MTMR14: variants seen among roughly 807,000 people sequenced by gnomAD.
MTMR14 encodes the protein phosphatidylinositol-3,5-bisphosphate 3-phosphatase MTMR14.
MTMR14 carries 48 observed loss-of-function variants against 86.3 expected under a neutral mutation model. That is an observed-to-expected ratio of 0.56 (90% CI 0.44 to 0.71). MTMR14 has a LOEUF of 0.71. MTMR14 is among the 30% of genes least tolerant of loss of function. The pLI, the probability that MTMR14 is intolerant of heterozygous loss-of-function variation, is 0.00. For synonymous variants in MTMR14, 366 were observed against 326.1 expected (o/e 1.12, Z -1.32); for missense variants, 780 against 834.6 (o/e 0.93, Z 0.81).
intron 12 of MTMR14, 84 bp from the exon 13 acceptor site, chr3:9,685,127 C>G: frequency 1.3e-6 from 2 of 1,586,198 alleles, no homozygotes; most frequent in Non-Finnish European, 1.7e-6. Context: ...GTGCCAGTGA[C>G]ACAGTCTGTG....
chr3:9,683,288 G>A (rs1575038269), intron 10 of MTMR14, 44 bp downstream of exon 10: 1 of 1,572,296 alleles, frequency 6.4e-7, no homozygotes, highest in Non-Finnish European at 8.8e-7. Context: ...TGCACCCTTG[G>A]GGAGTTCCCA....
rs572518773 is a variant in MTMR14 at position 9,697,311 on chromosome 3, G to A, written c.1614-400G>A. On this transcript the variant is annotated intron_variant, in intron 17 of 18. Coordinates refer to ENST00000296003, the MANE Select transcript of MTMR14 (RefSeq NM_001077525.3). ...GCAAATCTGCATGCCAGCAAGTATG[G>A]GTGACCCGGCTGGCTGCTGGGTCAC... Among the ~76,000 whole-genome samples, 5 of 152,182 alleles carry A rather than the reference G, an allele frequency of 3.3e-5. 1 individual carries two copies. Among genetic ancestry groups the A allele is most frequent in the African/African-American group, 1.2e-4 (5 of 41,528 alleles).
At chr3:9,687,756 C>T in intron 13 of MTMR14, 65 bp from the exon 14 acceptor site, 23 of 1,426,558 alleles carry the variant, frequency 1.6e-5, no homozygotes, top group Non-Finnish European at 2.2e-5. Context: ...TGGCTGGCCG[C>T]CCTCCCCTGG....
At chr3:9,693,016 T>C (rs1429937073) in intron 17 of MTMR14, among the ~76,000 whole-genome samples, 1 of 152,228 alleles carries the variant, frequency 6.6e-6, no homozygotes, top group African/African-American at 2.4e-5. Flanking sequence ...CTTATCTGTG[T>C]AATCAGAGGC....
At chr3:9,669,742 CTT>C (rs2048468064) in intron 5 of MTMR14, among the ~76,000 whole-genome samples, 1 of 152,184 alleles carries the variant, frequency 6.6e-6, no homozygotes, top group Non-Finnish European at 1.5e-5. Context: ...ACATCCCACT[CTT>C]GGGGTTCCTG....
Position 9,672,689 on chromosome 3 carries a change from ACCT to A in MTMR14, c.687_689del (p.Ser230del), listed in dbSNP as rs1244452482. ...CATTGTATCCTTGTCTTGTAGTGTA[ACCT>A]CCTCTGAGAAGGTGGACAAAGCCCA... is the stretch of plus-strand genomic sequence containing the variant. On this transcript the variant is annotated inframe_deletion, in exon 7 of 19. Coordinates refer to ENST00000296003, the MANE Select transcript of MTMR14 (RefSeq NM_001077525.3). 6.2e-7 allele frequency: 1 copy of A among 1,613,566 alleles called. No homozygotes were observed. The highest frequency in any genetic ancestry group is 8.5e-7 in the Non-Finnish European group (1 of 1,179,888).
In MTMR14 at chr3:9,697,720, C is replaced by A; in HGVS notation, c.1623C>A (p.Asp541Glu). 3 of 1,614,048 alleles carry A rather than the reference C, an allele frequency of 1.9e-6. No individual in the cohort carries two copies. Among genetic ancestry groups the A allele is most frequent in the South Asian group, 2.2e-5 (2 of 91,068 alleles). Residue 541 changes from aspartate (D) to glutamate (E), a missense_variant, in exon 18 of 19, where the codon GAC becomes GAA. Physicochemically the swap from Asp to Glu is conservative, Grantham distance 45. Coordinates refer to ENST00000296003, the MANE Select transcript of MTMR14 (RefSeq NM_001077525.3). Reference protein sequence around the residue: ...PLEVPKPRSVDHPLPGSSLST... With the variant: ...PLEVPKPRSVEHPLPGSSLST... ...CTCCTCTCTGCCCCAGATCAGTGGACCATCCCCTGCCCGGATCCTCTCTCT... is the reference window on the plus strand; with the variant it reads ...CTCCTCTCTGCCCCAGATCAGTGGAACATCCCCTGCCCGGATCCTCTCTCT...
intron 2 of MTMR14, among the ~76,000 whole-genome samples, chr3:9,660,050 GC>G (rs1469463967): frequency 6.6e-6 from 1 of 152,236 alleles, no homozygotes; most frequent in Non-Finnish European, 1.5e-5. Flanking sequence ...TCGGCCACGG[GC>G]CAAGTAAGTG....
At chr3:9,660,218 C>G (rs1239378429) in intron 2 of MTMR14, among the ~76,000 whole-genome samples, 4 of 151,038 alleles carry the variant, frequency 2.6e-5, no homozygotes, top group African/African-American at 9.7e-5. Flanking sequence ...GCTTGTGTGC[C>G]TAGGGCTGCC....
chr3:9,673,830 G>A (rs1324768490), intron 7 of MTMR14, among the ~76,000 whole-genome samples: 1 of 145,700 alleles, frequency 6.9e-6, no homozygotes, highest in East Asian at 1.9e-4. Flanking sequence ...CATAACAGGT[G>A]TCCTGTAAAT....
chr3:9,702,148 C>A lies in MTMR14; in HGVS notation c.*175C>A, dbSNP rs563611943. 3 of 783,756 alleles carry A rather than the reference C, an allele frequency of 3.8e-6. No individual in the cohort carries two copies. Among genetic ancestry groups the A allele is most frequent in the South Asian group, 1.6e-5 (1 of 64,004 alleles). 48.6% of individuals were successfully genotyped at this position (783,756 alleles called of 1,614,324 possible). A position where few individuals can be genotyped will look rare whatever the true frequency, so the allele number is the denominator to read the frequency against. ...CAAGGCCAAAGACAGGGTTTTCCAA[C>A]CCCCAGCCTCTTGACTGGTGACCAC... is the stretch of plus-strand genomic sequence containing the variant. On this transcript the variant is annotated 3_prime_UTR_variant, in exon 19 of 19. Transcript: ENST00000296003.
intron 1 of MTMR14, 117 bp downstream of exon 1, chr3:9,649,859 G>A (rs1468290316): frequency 6.8e-7 from 1 of 1,471,032 alleles, no homozygotes; most frequent in African/African-American, 1.4e-5. Context: ...TGAGGAAGAG[G>A]AGAGAGAGAG....
chr3:9,654,005 T>C, intron 2 of MTMR14: 1 of 556,164 alleles, frequency 1.8e-6, no homozygotes, highest in Non-Finnish European at 3.3e-6. Flanking sequence ...CTAGAGCTCA[T>C]TGTCCTAAGA....
chr3:9,681,955 A>G (rs1313949152), intron 9 of MTMR14, among the ~76,000 whole-genome samples: 1 of 151,370 alleles, frequency 6.6e-6, no homozygotes, highest in African/African-American at 2.5e-5. Context: ...GACAGCCGTC[A>G]TGGTGGCTGG....
Position 9,655,554 on chromosome 3 carries a change from G to A in MTMR14, c.308+1785G>A, listed in dbSNP as rs528601254. 8.1e-5 allele frequency among the ~76,000 whole-genome samples: 11 copies of A among 136,000 alleles called. No individual in the cohort carries two copies. In the South Asian group the frequency reaches 1.0e-3, roughly 13 times the overall value. The allele number at this position is 136,000 out of a possible 152,430, so 89.2% of individuals were successfully genotyped here. A position where few individuals can be genotyped will look rare whatever the true frequency, so the allele number is the denominator to read the frequency against. On this transcript the variant is annotated intron_variant, in intron 2 of 18. Coordinates refer to ENST00000296003, the MANE Select transcript of MTMR14 (RefSeq NM_001077525.3). Reference sequence around the variant, plus strand: ...TGGCTCACTGCAACCTCTGCCTCCCGGGTTCAAGCAATTCTCCTGCCTCAG... The same window carrying A: ...TGGCTCACTGCAACCTCTGCCTCCCAGGTTCAAGCAATTCTCCTGCCTCAG...
chr3:9,682,334 C>A (rs1387857026), intron 9 of MTMR14, among the ~76,000 whole-genome samples: 3 of 152,204 alleles, frequency 2.0e-5, no homozygotes, highest in African/African-American at 4.8e-5. Context: ...TCCCCCTCCC[C>A]CTGGGAAGTG....
In MTMR14 at chr3:9,678,224, G is replaced by A. The variant is rs150927120; in HGVS notation, c.897+166G>A. ...CTCAGAAAGGAGGAATTGTGTGTCC[G>A]TTCAACTATCTCCTGATTTGCTCAT... On this transcript the variant is annotated intron_variant, in intron 9 of 18. Transcript: ENST00000296003. Among the ~76,000 whole-genome samples, 458 of 152,286 alleles carry A rather than the reference G, an allele frequency of 3.0e-3. 3 individuals carry two copies. The highest frequency in any genetic ancestry group is 0.01 in the African/African-American group (432 of 41,548).
At chr3:9,695,759 G>T (rs1304083715) in intron 17 of MTMR14, among the ~76,000 whole-genome samples, 1 of 152,178 alleles carries the variant, frequency 6.6e-6, no homozygotes, top group Non-Finnish European at 1.5e-5. Flanking sequence ...TTTAGCTGTT[G>T]TTTTCCCACA....
intron 2 of MTMR14, among the ~76,000 whole-genome samples, chr3:9,658,964 C>T (rs1288241607): frequency 6.6e-6 from 1 of 152,130 alleles, no homozygotes; most frequent in Non-Finnish European, 1.5e-5. Context: ...CCGAGATGGG[C>T]GTTTCGCTTG....
Sources: gnomAD v4.1 joint callset for allele counts (sites outside exome capture counted in the v4.1 genomes callset) on GRCh38, gnomAD v4.1.1 for gene constraint, MANE v1.5 for transcripts, NCBI Gene and HGNC (gene_info 2026-07-23, HGNC 2026-07-21) for gene names.